The following ZNF333 variants were observed in gnomAD, a reference collection of about 807,000 sequenced individuals.
The protein encoded by ZNF333 is zinc finger protein 333.
A neutral mutation model predicts 76.1 loss-of-function variants in ZNF333; 61 were observed. The observed-to-expected ratio is 0.80, with a 90% CI of 0.65 to 0.99. The LOEUF (loss-of-function observed/expected upper bound fraction) is 0.99, where lower values mean the gene tolerates loss of function less well. ZNF333 is among the 50% of genes least tolerant of loss of function. The pLI, the probability that ZNF333 is intolerant of heterozygous loss-of-function variation, is 0.00. For synonymous variants in ZNF333, 284 were observed against 305.0 expected, an observed-to-expected ratio of 0.93 and a Z score of 0.72; for missense variants, 717 against 822.4, an observed-to-expected ratio of 0.87 and a Z score of 1.57.
chr19:14,694,036 C>T (rs991633133), intron 2 of ZNF333, among the ~76,000 whole-genome samples: 4 of 151,538 alleles, frequency 2.6e-5, no homozygotes, highest in Admixed American at 1.3e-4. Context: ...GTTTCTCAGT[C>T]GCCCCAGTCA....
At chr19:14,707,117 G>A in intron 7 of ZNF333, 1 of 214,982 alleles carries the variant, frequency 4.7e-6, no homozygotes, top group Non-Finnish European at 9.1e-6. Context: ...TTATAAATGA[G>A]GTTCAGGCCG....
chr19:14,697,577 T>C (rs1973311136), intron 4 of ZNF333, among the ~76,000 whole-genome samples: 1 of 152,002 alleles, frequency 6.6e-6, no homozygotes, highest in South Asian at 2.1e-4. Context: ...CCCAGGCTGG[T>C]CTTGAACTCC....
chr19:14,719,220 C>T lies in ZNF333; in HGVS notation c.1893C>T (p.Ser631=), dbSNP rs1212936023. The change falls in exon 12 of 12, where the codon TCC becomes TCT. Residue 631 remains serine (S), a synonymous_variant. Coordinates refer to ENST00000292530, the MANE Select transcript of ZNF333 (RefSeq NM_032433.4). ...GTGAGAAAGCCTTCAGGCACAGCTC[C>T]TCACTCACTGTACACAAAAGAACCC... ...NQCEKAFRHS[S]SLTVHKRTHV... 2 of 1,614,088 alleles carry T rather than the reference C, an allele frequency of 1.2e-6. No individual in the cohort carries two copies. Among genetic ancestry groups the T allele is most frequent in the African/African-American group, 2.7e-5 (2 of 74,940 alleles).
At chr19:14,729,065 A>T (rs192723096) in intron 11 of ZNF333, among the ~76,000 whole-genome samples, 4 of 152,310 alleles carry the variant, frequency 2.6e-5, no homozygotes, top group African/African-American at 9.6e-5. Flanking sequence ...CGGGTGCAGA[A>T]TGCGTGACCG....
At position 14,705,008 on chromosome 19, in the gene ZNF333, G is replaced by A. The variant is rs1207397052; in HGVS notation, c.307-46G>A. On this transcript the variant is annotated intron_variant, in intron 5 of 11. Coordinates refer to ENST00000292530, the MANE Select transcript of ZNF333 (RefSeq NM_032433.4). The stretch of plus-strand genomic sequence containing the variant: ...AAGGTCTCTCGGGCTGAGAACAGCT[G>A]TGGTGCCAACTCTGTCCTGCTCAGC... 5.1e-6 allele frequency: 8 copies of A among 1,579,482 alleles called. No individual in the cohort carries two copies. The South Asian group carries it at 9.0e-5, about 18-fold the overall frequency.
chr19:14,693,980 TAAAAAA>T (rs61027794), intron 2 of ZNF333, among the ~76,000 whole-genome samples: 23 of 113,096 alleles, frequency 2.0e-4, no homozygotes, highest in Admixed American at 2.8e-4. Flanking sequence ...ACCTTGTCTC[TAAAAAA>T]AAAAAAAAAA....
rs1258991842 is a variant in ZNF333 at position 14,716,160 on chromosome 19, T to C, written c.649T>C (p.Trp217Arg). The change falls in exon 9 of 12, where the codon TGG (tryptophan) becomes CGG (arginine). Residue 217 changes from tryptophan (W) to arginine (R), a missense_variant. By Grantham distance (101) the Trp-to-Arg change is moderately radical. Coordinates refer to ENST00000292530, the MANE Select transcript of ZNF333 (RefSeq NM_032433.4). ...DVAVVFTPEE[W>R]VFLDSTQRSL... is the part of the protein sequence containing the mutation. ...GGCTGTGGTGTTCACCCCAGAAGAA[T>C]GGGTGTTTCTGGACTCTACTCAGAG... 3 of 1,614,124 alleles carry C rather than the reference T, an allele frequency of 1.9e-6. No individual in the cohort carries two copies. Among genetic ancestry groups the C allele is most frequent in the South Asian group, 1.1e-5 (1 of 91,078 alleles).
Position 14,719,913 on chromosome 19 carries a change from C to T in ZNF333, c.*588C>T, listed in dbSNP as rs945062396. The T allele has an allele frequency of 4.2e-5, 41 of 985,314 alleles. No individual in the cohort carries two copies. The highest frequency in any genetic ancestry group is 5.2e-4 in the Middle Eastern group (1 of 1,936). 61.0% of individuals were successfully genotyped at this position (985,314 alleles called of 1,614,324 possible). ...AAAGCTTCCATCTCCCGGCTGGGCA[C>T]GGTGGCTCATGCCTCTAATCCCAGC... On this transcript the variant is annotated 3_prime_UTR_variant, in exon 12 of 12. Transcript: ENST00000292530.
downstream of ZNF333, among the ~76,000 whole-genome samples, chr19:14,725,050 C>T (rs2147039029): frequency 6.6e-6 from 1 of 152,294 alleles, no homozygotes; most frequent in South Asian, 2.1e-4. Context: ...GCTCTACAAG[C>T]ATGGCACCAG....
chr19:14,690,341 G>C (rs1313161352), intron 1 of ZNF333, among the ~76,000 whole-genome samples, 191 bp downstream of exon 1: 1 of 152,224 alleles, frequency 6.6e-6, no homozygotes, highest in Non-Finnish European at 1.5e-5. Flanking sequence ...CTCGCTCTCA[G>C]GTACCCCCCG....
intron 4 of ZNF333, among the ~76,000 whole-genome samples, chr19:14,698,244 C>T (rs962377712): frequency 2.6e-5 from 4 of 151,838 alleles, no homozygotes; most frequent in East Asian, 1.9e-4. Context: ...CATGGTGGTG[C>T]GCGCCTGTAA....
chr19:14,693,408 C>T (rs763131386), intron 1 of ZNF333, 43 bp from the exon 2 acceptor site: 54 of 1,498,616 alleles, frequency 3.6e-5, no homozygotes, highest in African/African-American at 8.3e-5. Flanking sequence ...GCTCTGCTTC[C>T]GTCCTCACCC....
downstream of ZNF333, among the ~76,000 whole-genome samples, chr19:14,724,971 C>T (rs1181046754): frequency 6.6e-6 from 1 of 152,094 alleles, no homozygotes; most frequent in Non-Finnish European, 1.5e-5. Flanking sequence ...TTTTGCATTA[C>T]TAAAAAGGAA....
intron 4 of ZNF333, among the ~76,000 whole-genome samples, chr19:14,698,750 G>C (rs2146960551): frequency 6.6e-6 from 1 of 151,074 alleles, no homozygotes; most frequent in South Asian, 2.1e-4. Flanking sequence ...CTGAGGCAGA[G>C]AATTGCTTGA....
chr19:14,705,034 A>T lies in ZNF333; in HGVS notation c.307-20A>T. 3 of 1,611,234 alleles carry T rather than the reference A, an allele frequency of 1.9e-6. No homozygotes were observed. The highest frequency in any genetic ancestry group is 2.5e-6 in the Non-Finnish European group (3 of 1,177,964). On this transcript the variant is annotated intron_variant, in intron 5 of 11. Transcript: ENST00000292530. ...TGGTGCCAACTCTGTCCTGCTCAGCACCCTCTTGTCTTTTGCCAGGGGCCG... is the reference window on the plus strand; with the variant it reads ...TGGTGCCAACTCTGTCCTGCTCAGCTCCCTCTTGTCTTTTGCCAGGGGCCG...
chr19:14,705,130 G>T lies in ZNF333; in HGVS notation c.383G>T (p.Arg128Leu), dbSNP rs771891419. 1 of 1,613,886 alleles carries T rather than the reference G, an allele frequency of 6.2e-7. No individual in the cohort carries two copies. The highest frequency in any genetic ancestry group is 8.5e-7 in the Non-Finnish European group (1 of 1,179,970). Residue 128 changes from arginine (R) to leucine (L), a missense_variant, in exon 6 of 12, where the codon CGG becomes CTG. Transcript: ENST00000292530. ...GAGACACCATTGACTCGAGAGGACC[G>T]GCCAGCTCTCCAGGAGCCGCCTTGG... ...ERETPLTRED[R>L]PALQEPPWSL... is the part of the protein sequence containing the mutation.
chr19:14,704,435 C>T (rs970901622), intron 5 of ZNF333, among the ~76,000 whole-genome samples: 7 of 152,166 alleles, frequency 4.6e-5, no homozygotes, highest in Admixed American at 3.9e-4. Context: ...TAGATGTACA[C>T]TACCACACTT....
Position 14,705,148 on chromosome 19 carries a change from C to T in ZNF333, c.401C>T (p.Pro134Leu), listed in dbSNP as rs142859199. 100 of 1,613,592 alleles carry T rather than the reference C, an allele frequency of 6.2e-5. 1 individual carries two copies. The African/African-American group carries it at 7.2e-4, about 12-fold the overall frequency. The change falls in exon 6 of 12, where the codon CCG (proline) becomes CTG (leucine). Residue 134 changes from proline to leucine, a missense_variant. Physicochemically the swap from Pro to Leu is moderately conservative, Grantham distance 98. Coordinates refer to ENST00000292530, the MANE Select transcript of ZNF333 (RefSeq NM_032433.4). ...TREDRPALQE[P>L]PWSLGCTGLK... Reference sequence around the variant, plus strand: ...GAGGACCGGCCAGCTCTCCAGGAGCCGCCTTGGTCTCTGGGATGCACGGTA... The same window carrying T: ...GAGGACCGGCCAGCTCTCCAGGAGCTGCCTTGGTCTCTGGGATGCACGGTA...
rs1006824762 is a variant in ZNF333 at position 14,719,835 on chromosome 19, T to C, written c.*510T>C. ...GCTGCCAACCCAAATTACCCCTTCC[T>C]CCTTAGAAAAGAACCTGGGTTTTCT... On this transcript the variant is annotated 3_prime_UTR_variant, in exon 12 of 12. Transcript: ENST00000292530. 8 of 986,704 alleles carry C rather than the reference T, an allele frequency of 8.1e-6. No homozygotes were observed. The African/African-American group carries it at 1.2e-4, about 15-fold the overall frequency. The allele number at this position is 986,704 out of a possible 1,614,324, so 61.1% of individuals were successfully genotyped here.
Sources: allele counts gnomAD v4.1 joint callset (sites outside exome capture counted in the v4.1 genomes callset), GRCh38; gene constraint gnomAD v4.1.1; transcripts MANE v1.5; gene names NCBI Gene and HGNC (gene_info 2026-07-23, HGNC 2026-07-21).